The following PSMA8 variants were observed in gnomAD, a reference collection of about 807,000 sequenced individuals.
PSMA8 encodes the protein proteasome 20S subunit alpha 8.
In PSMA8, 18 loss-of-function variants were observed where a neutral mutation model predicts 32.4. The ratio of observed to expected loss-of-function variants is 0.56; its 90% confidence interval spans 0.38 to 0.82. The LOEUF (loss-of-function observed/expected upper bound fraction) is 0.82. PSMA8 is among the 40% of genes least tolerant of loss of function. PSMA8 has a pLI of 0.00. For synonymous variants in PSMA8, 104 were observed against 98.1 expected, an observed-to-expected ratio of 1.06 and a Z score of -0.36; for missense variants, 298 against 300.7, an observed-to-expected ratio of 0.99 and a Z score of 0.07.
At chr18:26,188,528 G>C (rs1409275373) in intron 6 of PSMA8, among the ~76,000 whole-genome samples, 1 of 151,910 alleles carries the variant, frequency 6.6e-6, no homozygotes, top group Non-Finnish European at 1.5e-5. Context: ...AGACCCAGAA[G>C]AGCCAAAGCT....
intron 1 of PSMA8, 41 bp from the exon 2 acceptor site, chr18:26,144,518 A>G (rs1250433516): frequency 3.2e-6 from 5 of 1,558,404 alleles, no homozygotes; most frequent in Non-Finnish European, 4.4e-6. Flanking sequence ...TTATATTTTA[A>G]ACTGACATCT....
At chr18:26,191,767 C>T (rs556999203) in intron 6 of PSMA8, among the ~76,000 whole-genome samples, 28 of 152,108 alleles carry the variant, frequency 1.8e-4, no homozygotes, top group Non-Finnish European at 3.7e-4. Flanking sequence ...TAATTGCTGT[C>T]TTATAGCCGC....
At chr18:26,144,748 CTCAG>C in intron 2 of PSMA8, 63 bp downstream of exon 2, 1 of 1,467,248 alleles carries the variant, frequency 6.8e-7, no homozygotes, top group South Asian at 1.2e-5. Context: ...CACAGTTAAC[CTCAG>C]TGCTGCAGTT....
chr18:26,190,403 A>G (rs1044166918), intron 6 of PSMA8, among the ~76,000 whole-genome samples: 3 of 152,198 alleles, frequency 2.0e-5, no homozygotes, highest in African/African-American at 7.2e-5. Flanking sequence ...CATGTACCCC[A>G]TAATATATAT....
At chr18:26,137,750 G>C (rs562983025) in intron 1 of PSMA8, among the ~76,000 whole-genome samples, 6 of 152,228 alleles carry the variant, frequency 3.9e-5, no homozygotes, top group Non-Finnish European at 8.8e-5. Context: ...CCTGTCCTTA[G>C]AGATCCTACT....
chr18:26,158,108 T>C lies in PSMA8; in HGVS notation c.355-14T>C, dbSNP rs373452057. 73 of 1,544,112 alleles carry C rather than the reference T, an allele frequency of 4.7e-5. No individual in the cohort carries two copies. Among genetic ancestry groups the C allele is most frequent in the Non-Finnish European group, 6.2e-5 (70 of 1,133,242 alleles). ...CTAATAGTTTTATTCTAAAAATACG[T>C]TTTATTTTTCTAGAAATATACCCAA... On this transcript the variant is annotated splice_polypyrimidine_tract_variant and intron_variant, in intron 3 of 6. Transcript: ENST00000415576.
At position 26,170,736 on chromosome 18, in the gene PSMA8, T is replaced by C. The variant is rs1226623535; in HGVS notation, c.478-8094T>C. 4.0e-6 allele frequency: 6 copies of C among 1,516,718 alleles called. 2 individuals are homozygous for C. 94.0% of individuals were successfully genotyped at this position (1,516,718 alleles called of 1,614,324 possible). A position where few individuals can be genotyped will look rare whatever the true frequency, so the allele number is the denominator to read the frequency against. ...AACACCTTCATATTAATCATTCTTC[T>C]CATATACTTCAAATTTGTACTTAAT... On this transcript the variant is annotated intron_variant, in intron 4 of 6. Coordinates refer to ENST00000415576, the MANE Select transcript of PSMA8 (RefSeq NM_001025096.2).
intron 6 of PSMA8, among the ~76,000 whole-genome samples, chr18:26,187,012 T>C (rs1190841245): frequency 6.6e-6 from 1 of 152,142 alleles, no homozygotes; most frequent in African/African-American, 2.4e-5. Flanking sequence ...AGGTAGAACT[T>C]AAAACATTTT....
At chr18:26,182,913 G>A (rs1481134373) in intron 6 of PSMA8, among the ~76,000 whole-genome samples, 2 of 152,000 alleles carry the variant, frequency 1.3e-5, no homozygotes, top group African/African-American at 4.8e-5. Flanking sequence ...CCAACATGGT[G>A]AAACCCCGTC....
At chr18:26,175,267 T>C (rs1283603560) in intron 4 of PSMA8, among the ~76,000 whole-genome samples, 5 of 152,136 alleles carry the variant, frequency 3.3e-5, no homozygotes, top group Admixed American at 3.3e-4. Context: ...TTCCTTAGGG[T>C]CACATAGCCT....
At chr18:26,139,749 G>A (rs1235787291) in intron 1 of PSMA8, among the ~76,000 whole-genome samples, 1 of 152,192 alleles carries the variant, frequency 6.6e-6, no homozygotes, top group Non-Finnish European at 1.5e-5. Flanking sequence ...TCTGAGAGAA[G>A]AGGGATAGAA....
At chr18:26,186,130 T>C (rs2055351004) in intron 6 of PSMA8, among the ~76,000 whole-genome samples, 1 of 150,402 alleles carries the variant, frequency 6.6e-6, no homozygotes, top group African/African-American at 2.5e-5. Context: ...GCACCTGTAG[T>C]CCCAGCTACT....
rs1432988028 is a variant in PSMA8, at chr18:26,145,298, A to G, written c.229+613A>G. Among the ~76,000 whole-genome samples, 13 of 151,866 alleles carry G rather than the reference A, an allele frequency of 8.6e-5. No individual in the cohort carries two copies. In the South Asian group the frequency reaches 2.1e-3, roughly 24 times the overall value. The stretch of plus-strand genomic sequence containing the variant: ...CACACCCGGCTAATTTTGTATTTTT[A>G]GTGGAGACGGGGTTTCTCCATGTTG... On this transcript the variant is annotated intron_variant, in intron 2 of 6. Coordinates refer to ENST00000415576, the MANE Select transcript of PSMA8 (RefSeq NM_001025096.2).
intron 6 of PSMA8, among the ~76,000 whole-genome samples, chr18:26,182,531 G>GT (rs1224139341): frequency 6.6e-6 from 1 of 152,278 alleles, no homozygotes; most frequent in African/African-American, 2.4e-5. Context: ...CTTTCAAAAT[G>GT]TTACTGCTCA....
chr18:26,188,117 A>G (rs1443629061), intron 6 of PSMA8, among the ~76,000 whole-genome samples: 1 of 152,162 alleles, frequency 6.6e-6, no homozygotes, highest in African/African-American at 2.4e-5. Context: ...AAAAACTAGA[A>G]ATCAGTAACT....
chr18:26,146,292 G>A (rs1598645217), intron 2 of PSMA8, among the ~76,000 whole-genome samples: 6 of 151,640 alleles, frequency 4.0e-5, no homozygotes, highest in Admixed American at 3.9e-4. Flanking sequence ...TACTCAGGAG[G>A]TCGAGGCAGG....
intron 1 of PSMA8, among the ~76,000 whole-genome samples, chr18:26,139,587 T>A (rs936471677): frequency 6.6e-6 from 1 of 152,180 alleles, no homozygotes; most frequent in Non-Finnish European, 1.5e-5. Context: ...TCTCCCCTGT[T>A]AAAAACCTAT....
intron 4 of PSMA8, chr18:26,171,106 T>C: frequency 6.4e-7 from 1 of 1,559,686 alleles, no homozygotes; most frequent in Non-Finnish European, 8.5e-7. Context: ...TTCTCAGGAA[T>C]GGAGAACCAG....
chr18:26,138,027 T>C (rs1332400767), intron 1 of PSMA8, among the ~76,000 whole-genome samples: 1 of 152,162 alleles, frequency 6.6e-6, no homozygotes, highest in Non-Finnish European at 1.5e-5. Flanking sequence ...CATTCAGAAT[T>C]GTTGAAGCAA....
Sources: allele counts gnomAD v4.1 joint callset (sites outside exome capture counted in the v4.1 genomes callset), GRCh38; gene constraint gnomAD v4.1.1; transcripts MANE v1.5; gene names NCBI Gene and HGNC (gene_info 2026-07-23, HGNC 2026-07-21).